Variants in TNIK observed in about 807,000 individuals in gnomAD.
The protein encoded by TNIK is TRAF2 and NCK interacting kinase.
TNIK carries 49 observed loss-of-function variants against 191.3 expected under a neutral mutation model. The ratio of observed to expected loss-of-function variants is 0.26; its 90% CI spans 0.20 to 0.32. TNIK has a LOEUF of 0.32. Ranked by LOEUF, TNIK falls within the 10% of genes least tolerant of loss-of-function variation. The pLI is 1.00. For missense variants in TNIK, 1,155 were observed against 1,702.3 expected (o/e 0.68, Z 5.66); for synonymous variants, 594 against 600.9 (o/e 0.99, Z 0.17).
At chr3:171,334,378 G>T (rs964311297) in intron 2 of TNIK, among the ~76,000 whole-genome samples, 8 of 152,148 alleles carry the variant, frequency 5.3e-5, no homozygotes, top group Non-Finnish European at 1.5e-5. Context: ...TGTTGGAAAA[G>T]ATGCCTGGGA....
At chr3:171,294,540 G>A (rs780271132) in intron 2 of TNIK, among the ~76,000 whole-genome samples, 25 of 152,072 alleles carry the variant, frequency 1.6e-4, no homozygotes, top group South Asian at 1.2e-3. Context: ...GGCCTACACG[G>A]TGAAACCCCA....
At chr3:171,103,448 T>TTATC (rs1304209621) in intron 21 of TNIK, among the ~76,000 whole-genome samples, 1 of 152,202 alleles carries the variant, frequency 6.6e-6, no homozygotes, top group Non-Finnish European at 1.5e-5. Context: ...TTGTCAATGC[T>TTATC]TATCTTTATC....
chr3:171,264,797 TA>T (rs1748171540), intron 2 of TNIK, among the ~76,000 whole-genome samples: 1 of 152,208 alleles, frequency 6.6e-6, no homozygotes, highest in African/African-American at 2.4e-5. Flanking sequence ...CCTGCAATGG[TA>T]AGGGGATCTT....
intron 1 of TNIK, among the ~76,000 whole-genome samples, chr3:171,450,810 T>C (rs1271629245): frequency 3.3e-5 from 5 of 152,218 alleles, no homozygotes; most frequent in Non-Finnish European, 5.9e-5. Flanking sequence ...TCAATCAACA[T>C]TTATCATGTG....
chr3:171,162,419 G>A (rs1008553727), intron 10 of TNIK, among the ~76,000 whole-genome samples: 8 of 152,122 alleles, frequency 5.3e-5, no homozygotes, highest in South Asian at 2.1e-4. Flanking sequence ...GTGAGACTCC[G>A]TCTCAAATAT....
chr3:171,417,939 C>T (rs1203540886), intron 1 of TNIK, among the ~76,000 whole-genome samples: 3 of 152,170 alleles, frequency 2.0e-5, no homozygotes, highest in Non-Finnish European at 4.4e-5. Context: ...GAGCCTCATT[C>T]CGAAGAACTG....
intron 1 of TNIK, among the ~76,000 whole-genome samples, chr3:171,423,021 G>A (rs1418708202): frequency 6.6e-6 from 1 of 152,102 alleles, no homozygotes; most frequent in African/African-American, 2.4e-5. Context: ...TTTAGACAAT[G>A]TGCAAATGAG....
intron 2 of TNIK, among the ~76,000 whole-genome samples, chr3:171,307,012 A>G (rs937200031): frequency 6.6e-6 from 1 of 152,188 alleles, no homozygotes; most frequent in Non-Finnish European, 1.5e-5. Flanking sequence ...TCTACTGTGC[A>G]TCTTCAGAAA....
Position 171,346,625 on chromosome 3 carries a change from C to T in TNIK, c.123+22995G>A, listed in dbSNP as rs533260135. 3.9e-5 allele frequency among the ~76,000 whole-genome samples: 6 copies of T among 152,070 alleles called. 1 individual carries two copies. The South Asian group carries it at 1.2e-3, about 32-fold the overall frequency. On this transcript the variant is annotated intron_variant, in intron 2 of 32. Coordinates refer to ENST00000436636, the MANE Select transcript of TNIK (RefSeq NM_015028.4). ...AGTTTAGCACCCCACCAGAATGTGCCGGGGGTATGAAAGCCCAAACGGGGC... is the reference window on the plus strand; with the variant it reads ...AGTTTAGCACCCCACCAGAATGTGCTGGGGGTATGAAAGCCCAAACGGGGC...
At chr3:171,228,914 A>G (rs536440864) in intron 2 of TNIK, among the ~76,000 whole-genome samples, 1 of 152,210 alleles carries the variant, frequency 6.6e-6, no homozygotes, top group Non-Finnish European at 1.5e-5. Flanking sequence ...GAGAAAACAC[A>G]ATGTCTACAT....
intron 2 of TNIK, among the ~76,000 whole-genome samples, chr3:171,233,154 A>G (rs1743873779): frequency 6.6e-6 from 1 of 152,188 alleles, no homozygotes; most frequent in African/African-American, 2.4e-5. Context: ...ACAGGTAGAG[A>G]GTGGCTCATT....
intron 2 of TNIK, among the ~76,000 whole-genome samples, chr3:171,356,303 AT>A (rs1231870556): frequency 6.6e-6 from 1 of 152,130 alleles, no homozygotes; most frequent in Non-Finnish European, 1.5e-5. Context: ...ACACAGATGT[AT>A]TTTATATTGT....
chr3:171,271,083 A>G (rs1749032780), intron 2 of TNIK, among the ~76,000 whole-genome samples: 1 of 152,144 alleles, frequency 6.6e-6, no homozygotes, highest in African/African-American at 2.4e-5. Context: ...GAGACTCACT[A>G]CATCTGAGAG....
At chr3:171,355,203 C>T (rs1399157703) in intron 2 of TNIK, among the ~76,000 whole-genome samples, 2 of 152,114 alleles carry the variant, frequency 1.3e-5, no homozygotes, top group East Asian at 1.9e-4. Flanking sequence ...TACAGCAGAC[C>T]ATGAAAGCTG....
chr3:171,063,693 C>A lies in TNIK; in HGVS notation c.*188G>T, dbSNP rs1266361095. 3.9e-6 allele frequency: 2 copies of A among 514,266 alleles called. No homozygotes were observed. Among genetic ancestry groups the A allele is most frequent in the Non-Finnish European group, 6.8e-6 (2 of 296,254 alleles). 31.9% of individuals were successfully genotyped at this position (514,266 alleles called of 1,614,324 possible). On this transcript the variant is annotated 3_prime_UTR_variant, in exon 33 of 33. Transcript: ENST00000436636. ...GGAAATTCCTGCCACCTTTTTCTCT[C>A]CTTCTCAACCAGGCTGCAACATTGA...
chr3:171,417,477 A>G (rs1470773960), intron 1 of TNIK, among the ~76,000 whole-genome samples: 3 of 152,158 alleles, frequency 2.0e-5, no homozygotes, highest in Non-Finnish European at 2.9e-5. Flanking sequence ...ATAGTTACTT[A>G]TTTCTTTAGA....
At position 171,082,334 on chromosome 3, in the gene TNIK, C is replaced by T; in HGVS notation, c.3230G>A (p.Gly1077Asp). The T allele has an allele frequency of 6.2e-7, 1 of 1,613,902 alleles. No homozygotes were observed. The highest frequency in any genetic ancestry group is 1.1e-5 in the South Asian group (1 of 91,080). Reference protein sequence around the residue: ...GLMLLDRSGQGKVYNLINRRR... With the variant: ...GLMLLDRSGQDKVYNLINRRR... Reference sequence around the variant, plus strand: ...CCGGTTGATCAGATTATAGACTTTGCCTTGCCCACTTCGGTCCAAAAGCAT... The same window carrying T: ...CCGGTTGATCAGATTATAGACTTTGTCTTGCCCACTTCGGTCCAAAAGCAT... The change falls in exon 27 of 33, where the codon GGC becomes GAC. Residue 1077 changes from glycine (G) to aspartate (D), a missense_variant. By Grantham distance (94) the Gly-to-Asp change is moderately conservative (BLOSUM62 -1). Coordinates refer to ENST00000436636, the MANE Select transcript of TNIK (RefSeq NM_015028.4).
intron 2 of TNIK, among the ~76,000 whole-genome samples, chr3:171,335,739 A>G (rs1249770350): frequency 1.3e-5 from 2 of 152,234 alleles, no homozygotes; most frequent in East Asian, 1.9e-4. Context: ...CATTCAATAC[A>G]GATCTTGGTA....
intron 18 of TNIK, among the ~76,000 whole-genome samples, chr3:171,114,187 C>T (rs911922220): frequency 2.0e-5 from 3 of 152,112 alleles, no homozygotes; most frequent in African/African-American, 7.2e-5. Flanking sequence ...AGAAGAGAAA[C>T]ATCTGATGTC....
Sources: gnomAD v4.1 joint callset for allele counts (sites outside exome capture counted in the v4.1 genomes callset) on GRCh38, gnomAD v4.1.1 for gene constraint, MANE v1.5 for transcripts, NCBI Gene and HGNC (gene_info 2026-07-23, HGNC 2026-07-21) for gene names.